The following DLG1 variants were observed in gnomAD, a reference collection of about 807,000 sequenced individuals.
DLG1 encodes discs large MAGUK scaffold protein 1.
A neutral mutation model predicts 123.4 loss-of-function variants in DLG1; 42 were observed. That is an observed-to-expected ratio of 0.34 (90% CI 0.27 to 0.44). The LOEUF is 0.44. DLG1 is among the 20% of genes least tolerant of loss of function. The pLI is 1.00. For missense variants in DLG1, 942 were observed against 1,082.6 expected (o/e 0.87, Z 1.82); for synonymous variants, 317 against 356.2 (o/e 0.89, Z 1.24).
chr3:197,135,288 ATGTGT>A lies in DLG1; in HGVS notation c.1020+1249_1020+1253del, dbSNP rs1560942871. Among the ~76,000 whole-genome samples the A allele has an allele frequency of 5.3e-5, 8 of 152,216 alleles. 1 individual carries two copies. Among genetic ancestry groups the A allele is most frequent in the African/African-American group, 1.9e-4 (8 of 41,530 alleles). ...AATGTCATCCTGAATTGTAATCCCC[ATGTGT>A]TGGGGGAGGGACCTTGTAGGAGGTG... On this transcript the variant is annotated intron_variant, in intron 10 of 24. Coordinates refer to ENST00000667157, the MANE Select transcript of DLG1 (RefSeq NM_001366207.1).
At chr3:197,236,481 G>A (rs1297553582) in intron 4 of DLG1, among the ~76,000 whole-genome samples, 2 of 152,148 alleles carry the variant, frequency 1.3e-5, no homozygotes, top group Non-Finnish European at 2.9e-5. Context: ...CAAACACTGT[G>A]TGAATATTAA....
At chr3:197,104,171 A>C (rs928818349) in intron 14 of DLG1, among the ~76,000 whole-genome samples, 25 of 152,344 alleles carry the variant, frequency 1.6e-4, no homozygotes, top group Non-Finnish European at 3.5e-4. Context: ...CCTAATTCAA[A>C]AGCTAGAAAA....
Position 197,051,609 on chromosome 3 carries a change from T to G in DLG1, c.2543A>C (p.Lys848Thr), listed in dbSNP as rs1311102081. ...QARKTFERAM[K>T]LEQEFTEHFT... ...ATGTTCAGTAAACTCCTGTTCCAGT[T>G]TCATGGCTCTCTCAAATGTTTTTCT... The change falls in exon 24 of 25, where the codon AAA becomes ACA. Residue 848 changes from lysine (K) to threonine (T), a missense_variant. Coordinates refer to ENST00000667157, the MANE Select transcript of DLG1 (RefSeq NM_001366207.1). The G allele has an allele frequency of 6.2e-7, 1 of 1,613,946 alleles. No individual in the cohort carries two copies. Among genetic ancestry groups the G allele is most frequent in the Non-Finnish European group, 8.5e-7 (1 of 1,179,952 alleles).
At chr3:197,110,040 A>G (rs1191783063) in intron 13 of DLG1, among the ~76,000 whole-genome samples, 1 of 152,220 alleles carries the variant, frequency 6.6e-6, no homozygotes, top group East Asian at 1.9e-4. Flanking sequence ...ATCAAGTTCT[A>G]GAAGTTTTTG....
chr3:197,071,724 T>G (rs1744064690), intron 18 of DLG1, among the ~76,000 whole-genome samples: 1 of 152,188 alleles, frequency 6.6e-6, no homozygotes, highest in East Asian at 1.9e-4. Context: ...AAATGCAAAT[T>G]ATAACCACAA....
At chr3:197,124,724 G>A (rs1370049741) in intron 11 of DLG1, among the ~76,000 whole-genome samples, 5 of 152,122 alleles carry the variant, frequency 3.3e-5, no homozygotes, top group African/African-American at 7.2e-5. Flanking sequence ...CCACAGGCAC[G>A]CACCATTGTG....
At chr3:197,192,895 G>C (rs536936170) in intron 5 of DLG1, among the ~76,000 whole-genome samples, 6 of 152,014 alleles carry the variant, frequency 3.9e-5, no homozygotes, top group Admixed American at 1.3e-4. Flanking sequence ...GAATAAAAAA[G>C]GGACCATGCC....
At chr3:197,080,958 T>A in intron 17 of DLG1, 93 bp downstream of exon 17, 1 of 1,194,400 alleles carries the variant, frequency 8.4e-7, no homozygotes. Context: ...TGGCAAGAAC[T>A]GATCATGAAT....
At chr3:197,255,452 T>C (rs904829940) in intron 4 of DLG1, among the ~76,000 whole-genome samples, 2 of 152,218 alleles carry the variant, frequency 1.3e-5, no homozygotes, top group Admixed American at 6.5e-5. Flanking sequence ...CCTCCTGCTT[T>C]GTCCTATTAA....
intron 14 of DLG1, among the ~76,000 whole-genome samples, chr3:197,097,687 T>G (rs1490227601): frequency 6.6e-6 from 1 of 151,352 alleles, no homozygotes; most frequent in Non-Finnish European, 1.5e-5. Context: ...TTCAAGTGAT[T>G]CTCCTGCCTC....
chr3:197,222,777 G>A (rs1737817216), intron 4 of DLG1, among the ~76,000 whole-genome samples: 1 of 152,126 alleles, frequency 6.6e-6, no homozygotes, highest in African/African-American at 2.4e-5. Context: ...TGGGTGTTCT[G>A]CCTTCCCTCT....
intron 23 of DLG1, among the ~76,000 whole-genome samples, chr3:197,058,575 G>T (rs764742907): frequency 6.6e-6 from 1 of 152,136 alleles, no homozygotes; most frequent in African/African-American, 2.4e-5. Flanking sequence ...TTGCATTATG[G>T]TCGGAGAGTA....
rs1018260351 is a variant in DLG1 at position 197,186,251 on chromosome 3, A to C, written c.483+8174T>G. Among the ~76,000 whole-genome samples the C allele has an allele frequency of 3.9e-5, 6 of 152,180 alleles. No individual in the cohort carries two copies. In the South Asian group the frequency reaches 1.2e-3, roughly 32 times the overall value. ...GGAGGTGGAAGGCGGAAGGCAACCA[A>C]CTGTTCTTTGCTTTAGAATATCCTC... On this transcript the variant is annotated intron_variant, in intron 5 of 24. Coordinates refer to ENST00000667157, the MANE Select transcript of DLG1 (RefSeq NM_001366207.1).
At chr3:197,238,149 CT>C (rs1554039647) in intron 4 of DLG1, among the ~76,000 whole-genome samples, 1 of 152,124 alleles carries the variant, frequency 6.6e-6, no homozygotes, top group Non-Finnish European at 1.5e-5. Context: ...AGTGCCCCAC[CT>C]TTCACTGTCA....
intron 6 of DLG1, among the ~76,000 whole-genome samples, chr3:197,146,473 T>C (rs980398562): frequency 6.6e-6 from 1 of 151,982 alleles, no homozygotes; most frequent in Non-Finnish European, 1.5e-5. Context: ...TGAAGCAGAA[T>C]AGAAAACCCA....
intron 13 of DLG1, among the ~76,000 whole-genome samples, chr3:197,112,784 T>C (rs565336854): frequency 9.2e-5 from 14 of 152,144 alleles, no homozygotes; most frequent in African/African-American, 2.9e-4. Flanking sequence ...TTTTTAAAGA[T>C]GGGGTCTTGC....
chr3:197,113,003 C>T (rs962740440), intron 13 of DLG1, among the ~76,000 whole-genome samples: 5 of 152,098 alleles, frequency 3.3e-5, no homozygotes, highest in African/African-American at 9.7e-5. Flanking sequence ...ATATTTTCTT[C>T]TAGGAAGATT....
chr3:197,204,331 T>C (rs1177069093), intron 4 of DLG1, among the ~76,000 whole-genome samples: 2 of 152,226 alleles, frequency 1.3e-5, no homozygotes, highest in Non-Finnish European at 2.9e-5. Context: ...ATTAGATTGC[T>C]TGTTTTCCTG....
chr3:197,207,654 T>C (rs1482212730), intron 4 of DLG1, among the ~76,000 whole-genome samples: 1 of 152,170 alleles, frequency 6.6e-6, no homozygotes, highest in Admixed American at 6.5e-5. Flanking sequence ...TATATGGTAT[T>C]ACTGGTACAA....
Sources: allele counts gnomAD v4.1 joint callset (sites outside exome capture counted in the v4.1 genomes callset), GRCh38; gene constraint gnomAD v4.1.1; transcripts MANE v1.5; gene names NCBI Gene and HGNC (gene_info 2026-07-23, HGNC 2026-07-21).